Variants in KCNAB1 observed in about 807,000 individuals in gnomAD.
KCNAB1 encodes the protein voltage-gated potassium channel subunit beta-1.
A neutral mutation model predicts 64.6 loss-of-function variants in KCNAB1; 35 were observed. The ratio of observed to expected loss-of-function variants is 0.54; its 90% CI spans 0.41 to 0.72. The LOEUF (loss-of-function observed/expected upper bound fraction) is 0.72, where lower values mean the gene tolerates loss of function less well. Ranked by LOEUF, KCNAB1 falls within the 30% of genes least tolerant of loss-of-function variation. The pLI, the probability that KCNAB1 is intolerant of heterozygous loss-of-function variation, is 0.00. For synonymous variants in KCNAB1, 177 were observed against 183.8 expected (o/e 0.96, Z 0.30); for missense variants, 401 against 512.9 (o/e 0.78, Z 2.11).
At chr3:156,132,651 G>A (rs561799593) in intron 1 of KCNAB1, among the ~76,000 whole-genome samples, 1 of 152,336 alleles carries the variant, frequency 6.6e-6, no homozygotes, top group African/African-American at 2.4e-5. Flanking sequence ...TGGAGAGCCA[G>A]GAGAGCTCAC....
intron 1 of KCNAB1, chr3:156,176,676 G>A (rs536345963): frequency 9.6e-6 from 10 of 1,044,774 alleles, no homozygotes; most frequent in South Asian, 7.5e-5. Flanking sequence ...AAGGTGGATC[G>A]GTTGGGGGTG....
At chr3:156,495,085 A>G (rs1715916024) in intron 8 of KCNAB1, among the ~76,000 whole-genome samples, 1 of 152,050 alleles carries the variant, frequency 6.6e-6, no homozygotes, top group Non-Finnish European at 1.5e-5. Context: ...ATGTGTTCTC[A>G]TCATTCGGCT....
chr3:156,470,195 C>T (rs928167526), intron 7 of KCNAB1, among the ~76,000 whole-genome samples: 1 of 152,170 alleles, frequency 6.6e-6, no homozygotes, highest in African/African-American at 2.4e-5. Flanking sequence ...GTAATGTTCT[C>T]CTTAGATTCA....
intron 8 of KCNAB1, among the ~76,000 whole-genome samples, chr3:156,489,912 G>A (rs1470883432): frequency 2.0e-5 from 3 of 152,046 alleles, no homozygotes; most frequent in Non-Finnish European, 2.9e-5. Context: ...TGGGGGTGAG[G>A]CAGGGACCAG....
intron 8 of KCNAB1, among the ~76,000 whole-genome samples, chr3:156,499,485 T>C (rs1468211261): frequency 6.6e-6 from 1 of 152,184 alleles, no homozygotes; most frequent in African/African-American, 2.4e-5. Context: ...TCTTTTAATT[T>C]CATCTTTCCA....
intron 1 of KCNAB1, among the ~76,000 whole-genome samples, chr3:156,261,975 G>A (rs1275536919): frequency 6.6e-6 from 1 of 151,724 alleles, no homozygotes; most frequent in East Asian, 1.9e-4. Context: ...GATTCATTTT[G>A]ATGTTTTTAT....
chr3:156,184,873 C>G (rs981015041), intron 1 of KCNAB1, among the ~76,000 whole-genome samples: 11 of 152,166 alleles, frequency 7.2e-5, no homozygotes, highest in African/African-American at 2.4e-4. Context: ...TCCCTGGGCT[C>G]CTGTGCTCCA....
intron 1 of KCNAB1, among the ~76,000 whole-genome samples, chr3:156,363,946 G>C (rs549624454): frequency 6.6e-6 from 1 of 152,316 alleles, no homozygotes; most frequent in South Asian, 2.1e-4. Context: ...CTAAACGTTA[G>C]TGACAAATAA....
At chr3:156,479,732 T>C (rs1484719085) in intron 8 of KCNAB1, among the ~76,000 whole-genome samples, 2 of 152,184 alleles carry the variant, frequency 1.3e-5, no homozygotes, top group African/African-American at 4.8e-5. Flanking sequence ...TCCTGAGTCA[T>C]TAAATATTAT....
At chr3:156,182,695 A>T (rs1374882816) in intron 1 of KCNAB1, among the ~76,000 whole-genome samples, 5 of 132,708 alleles carry the variant, frequency 3.8e-5, no homozygotes, top group Non-Finnish European at 3.1e-5. Flanking sequence ...AAGTAAGACA[A>T]TTTTTTTTTT....
At chr3:156,379,517 T>C (rs531065640) in intron 1 of KCNAB1, among the ~76,000 whole-genome samples, 1 of 152,262 alleles carries the variant, frequency 6.6e-6, no homozygotes, top group African/African-American at 2.4e-5. Flanking sequence ...AGCCATGTGA[T>C]AATCTGGGGA....
chr3:156,125,831 A>G (rs1713622212), intron 1 of KCNAB1, among the ~76,000 whole-genome samples: 1 of 152,240 alleles, frequency 6.6e-6, no homozygotes, highest in Admixed American at 6.5e-5. Context: ...AGGAGATCCA[A>G]GAGCTTAGAA....
intron 2 of KCNAB1, among the ~76,000 whole-genome samples, chr3:156,444,216 A>T (rs1047501337): frequency 1.3e-5 from 2 of 152,202 alleles, no homozygotes; most frequent in African/African-American, 4.8e-5. Context: ...ATAGGTCTTC[A>T]TGTAGTTTAT....
intron 8 of KCNAB1, among the ~76,000 whole-genome samples, chr3:156,493,538 C>T (rs1715791176): frequency 6.6e-6 from 1 of 152,070 alleles, no homozygotes; most frequent in Non-Finnish European, 1.5e-5. Context: ...ATGTTAACAT[C>T]TTCTGTAACC....
chr3:156,417,121 G>A (rs541532546), intron 1 of KCNAB1, among the ~76,000 whole-genome samples: 1 of 152,276 alleles, frequency 6.6e-6, no homozygotes, highest in Admixed American at 6.5e-5. Flanking sequence ...CTTCATGGCT[G>A]TCAAAATGTA....
chr3:156,281,919 C>T (rs1308182346), intron 1 of KCNAB1, among the ~76,000 whole-genome samples: 1 of 147,368 alleles, frequency 6.8e-6, no homozygotes, highest in Non-Finnish European at 1.5e-5. Context: ...AAAACCAGCT[C>T]CTGGATTCAT....
intron 1 of KCNAB1, among the ~76,000 whole-genome samples, chr3:156,182,976 G>C (rs1379953485): frequency 6.6e-6 from 1 of 152,168 alleles, no homozygotes; most frequent in Non-Finnish European, 1.5e-5. Context: ...GGGATTACAG[G>C]AGAGAGCCAC....
In KCNAB1 at chr3:156,289,399, C is replaced by T. The variant is rs1451230613; in HGVS notation, c.276-132217C>T. 3.3e-5 allele frequency among the ~76,000 whole-genome samples: 5 copies of T among 152,322 alleles called. No individual in the cohort carries two copies. The East Asian group carries it at 9.6e-4, about 29-fold the overall frequency. On this transcript the variant is annotated intron_variant, in intron 1 of 13. Coordinates refer to ENST00000490337, the MANE Select transcript of KCNAB1 (RefSeq NM_172160.3). ...CTGAGCTGTTCCTTCTGATTCCTCC[C>T]ACTTCTTCCTCTTCTCATTTTGACT...
At chr3:156,313,649 G>A (rs1722076917) in intron 1 of KCNAB1, among the ~76,000 whole-genome samples, 1 of 152,186 alleles carries the variant, frequency 6.6e-6, no homozygotes, top group African/African-American at 2.4e-5. Flanking sequence ...ACCTCCGGGA[G>A]GAATCAACCC....
Sources: gnomAD v4.1 joint callset for allele counts (sites outside exome capture counted in the v4.1 genomes callset) on GRCh38, gnomAD v4.1.1 for gene constraint, MANE v1.5 for transcripts, NCBI Gene and HGNC (gene_info 2026-07-23, HGNC 2026-07-21) for gene names.